The following KHDRBS2 variants were observed in gnomAD, a reference collection of about 807,000 sequenced individuals.
KHDRBS2 encodes KH RNA binding domain containing, signal transduction associated 2.
KHDRBS2 carries 26 observed loss-of-function variants against 44.3 expected under a neutral mutation model. That is an observed-to-expected ratio of 0.59 (90% CI 0.43 to 0.81). KHDRBS2 has a LOEUF of 0.81. Among genes scored for constraint, KHDRBS2 ranks in the 40% least tolerant of loss-of-function variants. The pLI is 0.00. For synonymous variants in KHDRBS2, 194 were observed against 151.1 expected, an observed-to-expected ratio of 1.28 and a Z score of -2.08; for missense variants, 476 against 433.1, an observed-to-expected ratio of 1.10 and a Z score of -0.88.
intron 2 of KHDRBS2, among the ~76,000 whole-genome samples, chr6:62,073,936 G>C (rs913721404): frequency 1.3e-5 from 2 of 151,748 alleles, no homozygotes; most frequent in Non-Finnish European, 2.9e-5. Flanking sequence ...TCCCCTAAGT[G>C]GTACTCCTGC....
At chr6:61,895,368 G>A (rs1055416459) in intron 5 of KHDRBS2, among the ~76,000 whole-genome samples, 1 of 152,126 alleles carries the variant, frequency 6.6e-6, no homozygotes, top group South Asian at 2.1e-4. Context: ...TCTAACCATA[G>A]TGATATCATT....
chr6:61,927,711 C>T (rs1809236637), intron 4 of KHDRBS2, among the ~76,000 whole-genome samples: 1 of 152,104 alleles, frequency 6.6e-6, no homozygotes, highest in African/African-American at 2.4e-5. Context: ...ACTTTGAAAA[C>T]ACAGGTTGAC....
intron 4 of KHDRBS2, among the ~76,000 whole-genome samples, chr6:61,975,170 T>G (rs1289640787): frequency 6.6e-6 from 1 of 152,076 alleles, no homozygotes; most frequent in African/African-American, 2.4e-5. Context: ...ATTACAACCC[T>G]TGGACATACA....
chr6:62,138,152 G>T (rs903988574), intron 2 of KHDRBS2, among the ~76,000 whole-genome samples: 2 of 152,106 alleles, frequency 1.3e-5, no homozygotes, highest in Non-Finnish European at 2.9e-5. Flanking sequence ...CATATGAAAA[G>T]GCACTCAATA....
intron 7 of KHDRBS2, among the ~76,000 whole-genome samples, chr6:61,729,070 A>G (rs1249899355): frequency 6.6e-6 from 1 of 152,166 alleles, no homozygotes; most frequent in Non-Finnish European, 1.5e-5. Flanking sequence ...AAGACGTGGA[A>G]TCAACCTAAA....
At chr6:62,261,147 CA>C (rs1838269686) in intron 1 of KHDRBS2, among the ~76,000 whole-genome samples, 1 of 151,882 alleles carries the variant, frequency 6.6e-6, no homozygotes, top group African/African-American at 2.4e-5. Flanking sequence ...TAGCATTAAG[CA>C]AATATAGTAA....
chr6:61,681,887 G>T (rs1313945375), intron 8 of KHDRBS2, among the ~76,000 whole-genome samples: 1 of 151,826 alleles, frequency 6.6e-6, no homozygotes, highest in Non-Finnish European at 1.5e-5. Context: ...ATAACTCAAT[G>T]TTGGCTTTAT....
At chr6:62,266,984 A>C (rs1839317030) in intron 1 of KHDRBS2, among the ~76,000 whole-genome samples, 3 of 151,980 alleles carry the variant, frequency 2.0e-5, no homozygotes, top group Admixed American at 6.6e-5. Flanking sequence ...CAGTGCTGGG[A>C]ATTAGTAGTA....
intron 2 of KHDRBS2, among the ~76,000 whole-genome samples, chr6:62,105,738 TC>T: frequency 6.6e-6 from 1 of 152,276 alleles, no homozygotes; most frequent in Non-Finnish European, 1.5e-5. Flanking sequence ...GCTCCTGGAT[TC>T]ATTAATTTTT....
intron 2 of KHDRBS2, among the ~76,000 whole-genome samples, chr6:62,158,177 A>G (rs1183403716): frequency 6.6e-6 from 1 of 152,190 alleles, no homozygotes; most frequent in Non-Finnish European, 1.5e-5. Context: ...TAGATAAATA[A>G]TTCCAACTAT....
chr6:62,196,626 A>C (rs1179037692), intron 1 of KHDRBS2, among the ~76,000 whole-genome samples: 1 of 152,072 alleles, frequency 6.6e-6, no homozygotes, highest in Non-Finnish European at 1.5e-5. Flanking sequence ...AGTTTCAGTC[A>C]CACATCCCCT....
At position 62,071,003 on chromosome 6, in the gene KHDRBS2, T is replaced by A. The variant is rs185346343; in HGVS notation, c.220-23009A>T. ...TCTCCACATCCTCTCCAGCACCTGTTGTTTCCTGAATTTTTAATGATCGCC... is the reference window on the plus strand; with the variant it reads ...TCTCCACATCCTCTCCAGCACCTGTAGTTTCCTGAATTTTTAATGATCGCC... On this transcript the variant is annotated intron_variant, in intron 2 of 8. Coordinates refer to ENST00000281156, the MANE Select transcript of KHDRBS2 (RefSeq NM_152688.4). Among the ~76,000 whole-genome samples the A allele has an allele frequency of 4.0e-3, 603 of 151,938 alleles. 4 individuals are homozygous for A. Among genetic ancestry groups the A allele is most frequent in the African/African-American group, 0.013 (550 of 41,248 alleles).
At chr6:61,660,994 T>C in the KHDRBS2 span, among the ~76,000 whole-genome samples, 1 of 151,858 alleles carries the variant, frequency 6.6e-6, no homozygotes, top group East Asian at 1.9e-4. Flanking sequence ...TTTGTTTTTC[T>C]TTGTAATACA....
At position 62,008,115 on chromosome 6, in the gene KHDRBS2, T is replaced by A. The variant is rs192257677; in HGVS notation, c.337-29903A>T. On this transcript the variant is annotated intron_variant, in intron 3 of 8. Transcript: ENST00000281156. ...TGATTAAAACACCACACAATTTTAC[T>A]GTTGGATGAATCACAAAAGTTCTCA... 2.0e-5 allele frequency among the ~76,000 whole-genome samples: 3 copies of A among 152,266 alleles called. No individual in the cohort carries two copies. In the East Asian group the frequency reaches 5.8e-4, roughly 29 times the overall value.
At chr6:62,127,969 T>C (rs1052483893) in intron 2 of KHDRBS2, among the ~76,000 whole-genome samples, 1 of 152,156 alleles carries the variant, frequency 6.6e-6, no homozygotes, top group African/African-American at 2.4e-5. Flanking sequence ...AGTCAATCAC[T>C]AAGGCTAAAA....
chr6:62,268,783 A>T (rs374827327), intron 1 of KHDRBS2, among the ~76,000 whole-genome samples: 103 of 152,178 alleles, frequency 6.8e-4, no homozygotes, highest in Middle Eastern at 3.4e-3. Flanking sequence ...ATAGCTATGT[A>T]TAAATTTAAA....
intron 2 of KHDRBS2, among the ~76,000 whole-genome samples, chr6:62,068,045 C>G (rs1012435256): frequency 6.6e-6 from 1 of 151,440 alleles, no homozygotes; most frequent in Non-Finnish European, 1.5e-5. Flanking sequence ...ACTTTTATCT[C>G]TTATGTTTAG....
intron 4 of KHDRBS2, among the ~76,000 whole-genome samples, chr6:61,951,366 G>A (rs1239589013): frequency 6.6e-6 from 1 of 151,972 alleles, no homozygotes; most frequent in Admixed American, 6.6e-5. Context: ...AAAGTAACTG[G>A]ACAATTTATA....
intron 7 of KHDRBS2, among the ~76,000 whole-genome samples, chr6:61,718,628 G>C (rs1023235371): frequency 2.2e-4 from 33 of 152,074 alleles, no homozygotes; most frequent in African/African-American, 7.5e-4. Flanking sequence ...CAGGAGAAAG[G>C]AGAGTGAGAT....
Sources: allele counts gnomAD v4.1 joint callset (sites outside exome capture counted in the v4.1 genomes callset), GRCh38; gene constraint gnomAD v4.1.1; transcripts MANE v1.5; gene names NCBI Gene and HGNC (gene_info 2026-07-23, HGNC 2026-07-21).